The following UMODL1 variants were observed in gnomAD, a reference collection of about 807,000 sequenced individuals.
UMODL1 encodes the protein uromodulin like 1.
In UMODL1, 128 loss-of-function variants were observed where a neutral mutation model predicts 136.3. The ratio of observed to expected loss-of-function variants is 0.94; its 90% CI spans 0.81 to 1.09. UMODL1 has a LOEUF of 1.09. UMODL1 is among the 50% of genes least tolerant of loss of function. The pLI is 0.00. For synonymous variants in UMODL1, 721 were observed against 720.0 expected, an observed-to-expected ratio of 1.00 and a Z score of -0.02; for missense variants, 1,766 against 1,725.6, an observed-to-expected ratio of 1.02 and a Z score of -0.41.
intron 14 of UMODL1, among the ~76,000 whole-genome samples, chr21:42,118,714 G>A (rs995234685): frequency 3.9e-5 from 6 of 152,072 alleles, no homozygotes; most frequent in Non-Finnish European, 5.9e-5. Context: ...CCCTCCCCAC[G>A]ACCCTGCACT....
At chr21:42,101,289 T>C (rs1034260053) in intron 7 of UMODL1, among the ~76,000 whole-genome samples, 5 of 152,096 alleles carry the variant, frequency 3.3e-5, no homozygotes, top group Admixed American at 1.3e-4. Flanking sequence ...GGCTCTGCGA[T>C]ACGTCGGGGC....
intron 20 of UMODL1, 87 bp downstream of exon 20, chr21:42,127,918 G>T: frequency 7.0e-6 from 11 of 1,564,892 alleles, no homozygotes; most frequent in Non-Finnish European, 8.8e-6. Flanking sequence ...AAAACCTAGG[G>T]CTCGAGTGGC....
At chr21:42,090,153 C>T (rs2066473710) in intron 5 of UMODL1, 145 bp from the exon 6 acceptor site, 6 of 1,077,638 alleles carry the variant, frequency 5.6e-6, no homozygotes, top group Admixed American at 2.4e-5. Flanking sequence ...CATAGTCTCC[C>T]TTGGGATCAC....
At chr21:42,110,094 C>T (rs1235378176) in intron 10 of UMODL1, among the ~76,000 whole-genome samples, 4 of 149,716 alleles carry the variant, frequency 2.7e-5, no homozygotes, top group Non-Finnish European at 4.4e-5. Flanking sequence ...GCCTGGAGCC[C>T]GAGACAGTGT....
chr21:42,140,410 G>A (rs1209532618), intron 22 of UMODL1, among the ~76,000 whole-genome samples: 1 of 151,848 alleles, frequency 6.6e-6, no homozygotes, highest in Non-Finnish European at 1.5e-5. Context: ...CACGTGGTTG[G>A]GAGGTCCAGG....
At chr21:42,106,756 C>T (rs984927698) in intron 9 of UMODL1, among the ~76,000 whole-genome samples, 1 of 152,172 alleles carries the variant, frequency 6.6e-6, no homozygotes, top group Non-Finnish European at 1.5e-5. Context: ...TAGAGTGAGG[C>T]GGAACGGGTT....
intron 15 of UMODL1, among the ~76,000 whole-genome samples, chr21:42,120,337 G>A (rs1281748022): frequency 2.6e-5 from 4 of 152,194 alleles, no homozygotes; most frequent in African/African-American, 9.7e-5. Context: ...TCAGCTCTAC[G>A]ACTTTGTCCT....
At position 42,093,389 on chromosome 21, in the gene UMODL1, T is replaced by A. The variant is rs12329725; in HGVS notation, c.931+2951T>A. The A allele has an allele frequency of 7.0e-3, 1,069 of 152,956 alleles. 6 individuals are homozygous for A. The highest frequency in any genetic ancestry group is 0.012 in the Non-Finnish European group (794 of 68,522). The allele number at this position is 152,956 out of a possible 1,614,324, so 9.5% of individuals were successfully genotyped here. A position where few individuals can be genotyped will look rare whatever the true frequency, so the allele number is the denominator to read the frequency against. ...TGCGCCACCACAGCTGGCTCATTTT[T>A]AAATTTTTTTGTAGAGACGAGGTCT... On this transcript the variant is annotated intron_variant, in intron 6 of 22. Transcript: ENST00000408910.
In UMODL1 at chr21:42,071,339, C is replaced by A. The variant is rs1292744492; in HGVS notation, c.23C>A (p.Ala8Glu). The change falls in exon 1 of 23, where the codon GCA becomes GAA. Residue 8 changes from alanine (A) to glutamate (E), a missense_variant. Ala to Glu is a moderately radical substitution (Grantham distance 107). Transcript: ENST00000408910. MLRTSGL[A>E]LLALVSAVGP... ...ACGATGCTCAGGACCTCGGGGCTGG[C>A]ACTGCTGGCTCTGGTCAGTGCTGTG... 2.5e-6 allele frequency: 4 copies of A among 1,596,034 alleles called. No individual in the cohort carries two copies. Among genetic ancestry groups the A allele is most frequent in the Non-Finnish European group, 3.4e-6 (4 of 1,171,594 alleles).
At chr21:42,138,213 G>A (rs771700233) in intron 22 of UMODL1, among the ~76,000 whole-genome samples, 4 of 152,168 alleles carry the variant, frequency 2.6e-5, no homozygotes, top group African/African-American at 4.8e-5. Context: ...TGGAGGGTGT[G>A]AGATTTAAAT....
intron 14 of UMODL1, among the ~76,000 whole-genome samples, chr21:42,118,261 G>A (rs1351105262): frequency 6.6e-6 from 1 of 152,216 alleles, no homozygotes; most frequent in African/African-American, 2.4e-5. Flanking sequence ...GCCAACCAAG[G>A]GCAGCTGTGG....
At chr21:42,136,859 G>A (rs1453019249) in intron 21 of UMODL1, among the ~76,000 whole-genome samples, 2 of 152,082 alleles carry the variant, frequency 1.3e-5, no homozygotes, top group African/African-American at 4.8e-5. Flanking sequence ...CTGTGTTCAA[G>A]TGATTCTCCT....
chr21:42,081,843 G>A (rs2066365799), intron 2 of UMODL1, among the ~76,000 whole-genome samples: 1 of 152,068 alleles, frequency 6.6e-6, no homozygotes, highest in African/African-American at 2.4e-5. Context: ...TCTGTCCCAG[G>A]AGCCCACCTT....
chr21:42,109,452 G>C, intron 9 of UMODL1, 110 bp from the exon 10 acceptor site: 1 of 1,490,828 alleles, frequency 6.7e-7, no homozygotes, highest in Non-Finnish European at 9.1e-7. Context: ...CCCTGCTCCC[G>C]GCCGTTCACT....
At chr21:42,083,364 T>C (rs2066385324) in intron 2 of UMODL1, among the ~76,000 whole-genome samples, 1 of 152,152 alleles carries the variant, frequency 6.6e-6, no homozygotes, top group Non-Finnish European at 1.5e-5. Flanking sequence ...CCCCATCCCG[T>C]CTGTCAGCAC....
chr21:42,113,272 T>C (rs220138), intron 12 of UMODL1, among the ~76,000 whole-genome samples: 68,414 of 151,386 alleles, frequency 0.45, 16,686 homozygotes, highest in Non-Finnish European at 0.54. Flanking sequence ...AAGAACCTGC[T>C]CAAGAGGCCT....
At chr21:42,073,368 T>A (rs2066253648) in intron 1 of UMODL1, among the ~76,000 whole-genome samples, 1 of 152,228 alleles carries the variant, frequency 6.6e-6, no homozygotes, top group Non-Finnish European at 1.5e-5. Context: ...TGATTTGTCC[T>A]GTTCCACCCC....
At chr21:42,091,714 A>C (rs1184217313) in intron 6 of UMODL1, among the ~76,000 whole-genome samples, 1 of 152,230 alleles carries the variant, frequency 6.6e-6, no homozygotes, top group Admixed American at 6.5e-5. Flanking sequence ...GGAAGACCCG[A>C]GCTGTTGTTA....
Position 42,084,172 on chromosome 21 carries a change from C to T in UMODL1, c.408C>T (p.Asp136=). ...CATCCACCTCCCCCTGCAGCTTGGACATCGACTGTCCTGGACTTGAGAAGT... is the reference window on the plus strand; with the variant it reads ...CATCCACCTCCCCCTGCAGCTTGGATATCGACTGTCCTGGACTTGAGAAGT... The part of the protein sequence containing the change: ...PEPSTSPCSL[D]IDCPGLEKCC... The change falls in exon 3 of 23, where the codon GAC becomes GAT. Residue 136 remains aspartate, a synonymous_variant. Transcript: ENST00000408910. The T allele has an allele frequency of 6.2e-7, 1 of 1,614,086 alleles. No individual in the cohort carries two copies. The highest frequency in any genetic ancestry group is 8.5e-7 in the Non-Finnish European group (1 of 1,180,036).
Sources: gnomAD v4.1 joint callset for allele counts (sites outside exome capture counted in the v4.1 genomes callset) on GRCh38, gnomAD v4.1.1 for gene constraint, MANE v1.5 for transcripts, NCBI Gene and HGNC (gene_info 2026-07-23, HGNC 2026-07-21) for gene names.